The following YAP1 variants were observed in gnomAD, a reference collection of about 807,000 sequenced individuals.
YAP1 encodes the protein Yes1 associated transcriptional regulator, also known as transcriptional coactivator YAP1.
In YAP1, 5 loss-of-function variants were observed where a neutral mutation model predicts 56.9. The observed-to-expected ratio is 0.09, with a 90% CI of 0.05 to 0.18. YAP1 has a LOEUF of 0.18. YAP1 is among the 10% of genes least tolerant of loss of function. The pLI is 1.00. For missense variants in YAP1, 539 were observed against 651.8 expected (o/e 0.83, Z 1.88); for synonymous variants, 265 against 248.1 (o/e 1.07, Z -0.64).
At chr11:102,159,295 T>C (rs779831076) in intron 2 of YAP1, among the ~76,000 whole-genome samples, 2 of 152,204 alleles carry the variant, frequency 1.3e-5, no homozygotes, top group Non-Finnish European at 1.5e-5. Flanking sequence ...GTGCTCAGCC[T>C]GCAGCAGGAG....
chr11:102,132,911 C>T (rs1043333360), intron 2 of YAP1, among the ~76,000 whole-genome samples: 4 of 152,130 alleles, frequency 2.6e-5, no homozygotes, highest in Admixed American at 6.5e-5. Flanking sequence ...GTAATCCCAG[C>T]GCTTTGGGAG....
At chr11:102,164,882 A>G (rs1946508500) in intron 3 of YAP1, among the ~76,000 whole-genome samples, 1 of 152,066 alleles carries the variant, frequency 6.6e-6, no homozygotes, top group Admixed American at 6.5e-5. Context: ...GCCACCACGC[A>G]TGGCTAATTT....
Position 102,132,702 on chromosome 11 carries a change from T to G in YAP1, c.572+18308T>G, listed in dbSNP as rs572095831. The stretch of plus-strand genomic sequence containing the variant: ...CATTTCATTTTTTGGTAAATTCAGC[T>G]TCATGTTCATTTGTTTACCAATAAA... On this transcript the variant is annotated intron_variant, in intron 2 of 8. Coordinates refer to ENST00000282441, the MANE Select transcript of YAP1 (RefSeq NM_001130145.3). 4.9e-4 allele frequency among the ~76,000 whole-genome samples: 75 copies of G among 152,354 alleles called. 3 individuals are homozygous for G. The South Asian group carries it at 0.014, about 29-fold the overall frequency.
At chr11:102,176,038 A>C (rs1004318998) in intron 3 of YAP1, among the ~76,000 whole-genome samples, 1 of 152,186 alleles carries the variant, frequency 6.6e-6, no homozygotes, top group African/African-American at 2.4e-5. Flanking sequence ...TGTTTATGGA[A>C]GACTCCTTTG....
chr11:102,168,748 G>C (rs544446040), intron 3 of YAP1, among the ~76,000 whole-genome samples: 4 of 152,316 alleles, frequency 2.6e-5, no homozygotes, highest in Admixed American at 1.3e-4. Context: ...TTTGCCTCTT[G>C]TGTTCTCCTG....
intron 2 of YAP1, among the ~76,000 whole-genome samples, chr11:102,116,722 G>C (rs1474177958): frequency 6.6e-6 from 1 of 152,118 alleles, no homozygotes; most frequent in Non-Finnish European, 1.5e-5. Context: ...AGTGTTTCTG[G>C]GGAACTTTTA....
At position 102,162,570 on chromosome 11, in the gene YAP1, A is replaced by G; in HGVS notation, c.687A>G (p.Ser229=). 6.2e-7 allele frequency: 1 copy of G among 1,613,934 alleles called. No homozygotes were observed. Among genetic ancestry groups the G allele is most frequent in the Non-Finnish European group, 8.5e-7 (1 of 1,179,804 alleles). ...PVQQNMMNSA[S]GPLPDGWEQA... ...AGCAGAATATGATGAACTCGGCTTC[A>G]GGTGAGTGAGACACTGTAATTACAG... The change falls in exon 3 of 9, where the codon TCA becomes TCG. Residue 229 remains serine, a splice_region_variant and synonymous_variant. Coordinates refer to ENST00000282441, the MANE Select transcript of YAP1 (RefSeq NM_001130145.3).
chr11:102,225,890 T>C, intron 7 of YAP1, among the ~76,000 whole-genome samples: 1 of 152,222 alleles, frequency 6.6e-6, no homozygotes, highest in South Asian at 2.1e-4. Flanking sequence ...TGTCATGTAG[T>C]AGCAGATGCT....
At chr11:102,198,988 TAGG>T (rs1211521299) in intron 4 of YAP1, among the ~76,000 whole-genome samples, 13 of 152,176 alleles carry the variant, frequency 8.5e-5, no homozygotes, top group Admixed American at 2.0e-4. Context: ...TATGATAAAA[TAGG>T]AGGAGGGAGA....
chr11:102,110,637 A>C lies in YAP1; in HGVS notation c.-212A>C. 1 of 277,816 alleles carries C rather than the reference A, an allele frequency of 3.6e-6. No homozygotes were observed. The highest frequency in any genetic ancestry group is 6.2e-6 in the Non-Finnish European group (1 of 160,708). The allele number at this position is 277,816 out of a possible 1,614,324, so 17.2% of individuals were successfully genotyped here. A position where few individuals can be genotyped will look rare whatever the true frequency, so the allele number is the denominator to read the frequency against. On this transcript the variant is annotated 5_prime_UTR_variant, in exon 1 of 9. Coordinates refer to ENST00000282441, the MANE Select transcript of YAP1 (RefSeq NM_001130145.3). Reference sequence around the variant, plus strand: ...CAGCCCCTCCCGAGGCGCAGCCGCCAGACCAGTGGAGCCGGGGCGCAGGGC... The same window carrying C: ...CAGCCCCTCCCGAGGCGCAGCCGCCCGACCAGTGGAGCCGGGGCGCAGGGC...
chr11:102,111,572 G>C (rs1591088037), intron 1 of YAP1, among the ~76,000 whole-genome samples: 2 of 151,168 alleles, frequency 1.3e-5, no homozygotes, highest in African/African-American at 4.9e-5. Flanking sequence ...GCCTCCGCGC[G>C]CTCCGCACCT....
chr11:102,196,717 G>A (rs1414943633), intron 4 of YAP1, among the ~76,000 whole-genome samples: 2 of 150,678 alleles, frequency 1.3e-5, no homozygotes, highest in Non-Finnish European at 2.9e-5. Flanking sequence ...AGAACTACCA[G>A]ACAGTACATG....
chr11:102,137,306 AAAACCC>A (rs1944729616), intron 2 of YAP1, among the ~76,000 whole-genome samples: 1 of 152,254 alleles, frequency 6.6e-6, no homozygotes, highest in Non-Finnish European at 1.5e-5. Context: ...GTATCATGTT[AAAACCC>A]TGAGTGTAGA....
At chr11:102,169,870 A>T (rs979770131) in intron 3 of YAP1, among the ~76,000 whole-genome samples, 1 of 152,230 alleles carries the variant, frequency 6.6e-6, no homozygotes, top group Non-Finnish European at 1.5e-5. Context: ...CATTTTTCTT[A>T]CTTAAAACTA....
chr11:102,181,339 G>T (rs572995498), intron 3 of YAP1, among the ~76,000 whole-genome samples: 39 of 152,092 alleles, frequency 2.6e-4, no homozygotes, highest in African/African-American at 9.4e-4. Context: ...CCAGCTACTT[G>T]GGAGGCTGAG....
chr11:102,183,933 C>T (rs868668944), intron 3 of YAP1, among the ~76,000 whole-genome samples: 45 of 151,582 alleles, frequency 3.0e-4, no homozygotes, highest in African/African-American at 4.6e-4. Context: ...AAAAATTAGC[C>T]GGGCGTAGTG....
intron 2 of YAP1, among the ~76,000 whole-genome samples, chr11:102,150,826 A>G (rs1591241574): frequency 2.5e-5 from 1 of 40,690 alleles, no homozygotes; most frequent in Admixed American, 2.2e-4. Flanking sequence ...TTTTGGAGAC[A>G]GTCTTGCTCT....
intron 2 of YAP1, among the ~76,000 whole-genome samples, chr11:102,159,541 A>G (rs1011003658): frequency 6.6e-6 from 1 of 152,210 alleles, no homozygotes; most frequent in Non-Finnish European, 1.5e-5. Context: ...CATTTTTAAC[A>G]AAACATATTC....
intron 2 of YAP1, 76 bp downstream of exon 2, chr11:102,114,470 A>G (rs1242300957): frequency 6.7e-7 from 1 of 1,485,726 alleles, no homozygotes; most frequent in Non-Finnish European, 9.1e-7. Context: ...TGGTGTCAAG[A>G]TACAGAATAT....
Sources: allele counts gnomAD v4.1 joint callset (sites outside exome capture counted in the v4.1 genomes callset), GRCh38; gene constraint gnomAD v4.1.1; transcripts MANE v1.5; gene names NCBI Gene and HGNC (gene_info 2026-07-23, HGNC 2026-07-21).